The following EIF4G3 variants were observed in gnomAD, a reference collection of about 807,000 sequenced individuals.
The protein encoded by EIF4G3 is eIF-4-gamma 3.
EIF4G3 carries 34 observed loss-of-function variants against 186.4 expected under a neutral mutation model. The ratio of observed to expected loss-of-function variants is 0.18; its 90% confidence interval spans 0.14 to 0.24. The LOEUF (loss-of-function observed/expected upper bound fraction) is 0.24, where lower values mean the gene tolerates loss of function less well. Ranked by LOEUF, EIF4G3 falls within the 10% of genes least tolerant of loss-of-function variation. The pLI is 1.00. For synonymous variants in EIF4G3, 673 were observed against 679.5 expected (o/e 0.99, Z 0.15); for missense variants, 1,536 against 1,948.5 (o/e 0.79, Z 3.99).
rs2088063512 is a variant in EIF4G3 at position 20,896,411 on chromosome 1, G to T, written c.2000-910C>A. On this transcript the variant is annotated intron_variant, in intron 16 of 36. Transcript: ENST00000602326. ...TGATTGCACCACTGCACTCTAGCCT[G>T]GGTAACAGAGTGAGATTCTATCTCA... Among the ~76,000 whole-genome samples the T allele has an allele frequency of 7.4e-5, 11 of 148,060 alleles. No individual in the cohort carries two copies. In the South Asian group the frequency reaches 2.3e-3, roughly 32 times the overall value.
At chr1:20,917,683 T>C (rs2094037461) in intron 14 of EIF4G3, among the ~76,000 whole-genome samples, 1 of 152,152 alleles carries the variant, frequency 6.6e-6, no homozygotes, top group South Asian at 2.1e-4. Context: ...GGGTGATAAA[T>C]ACGATTATAG....
At chr1:21,088,081 G>A (rs538427228) in intron 3 of EIF4G3, among the ~76,000 whole-genome samples, 1 of 152,138 alleles carries the variant, frequency 6.6e-6, no homozygotes, top group South Asian at 2.1e-4. Context: ...GGGTGACAGA[G>A]TGAGACCCGA....
chr1:20,842,062 A>G (rs756603951), intron 29 of EIF4G3, among the ~76,000 whole-genome samples: 1 of 152,196 alleles, frequency 6.6e-6, no homozygotes, highest in Non-Finnish European at 1.5e-5. Context: ...AGAAAAATTA[A>G]AGAGTCATAC....
chr1:20,811,796 T>C (rs1308094969), intron 35 of EIF4G3, among the ~76,000 whole-genome samples: 1 of 152,152 alleles, frequency 6.6e-6, no homozygotes, highest in African/African-American at 2.4e-5. Context: ...ACAATTATAA[T>C]TTGTCAATCA....
chr1:21,053,862 C>A (rs900915125), intron 3 of EIF4G3, among the ~76,000 whole-genome samples: 5 of 148,934 alleles, frequency 3.4e-5, no homozygotes, highest in Non-Finnish European at 7.5e-5. Context: ...GTCAGCCCCC[C>A]GCCCGGCCAG....
chr1:21,166,750 A>T (rs2097861952), intron 2 of EIF4G3, among the ~76,000 whole-genome samples: 1 of 151,986 alleles, frequency 6.6e-6, no homozygotes, highest in African/African-American at 2.4e-5. Flanking sequence ...AATAAATAAA[A>T]TAAATAAATG....
intron 3 of EIF4G3, among the ~76,000 whole-genome samples, chr1:21,083,643 C>T (rs2095865392): frequency 6.6e-6 from 1 of 152,030 alleles, no homozygotes; most frequent in Non-Finnish European, 1.5e-5. Flanking sequence ...TAAAACTGAT[C>T]AAAGGACTAC....
At chr1:20,981,752 A>ATACGCACATACTG (rs2078314717) in intron 8 of EIF4G3, among the ~76,000 whole-genome samples, 1 of 147,470 alleles carries the variant, frequency 6.8e-6, no homozygotes, top group Non-Finnish European at 1.5e-5. Flanking sequence ...ACACATACAT[A>ATACGCACATACTG]TATGTATACA....
chr1:21,119,730 T>G (rs942287154), intron 2 of EIF4G3, among the ~76,000 whole-genome samples: 5 of 152,104 alleles, frequency 3.3e-5, no homozygotes, highest in African/African-American at 1.2e-4. Flanking sequence ...AGAAAAACAT[T>G]TATATAGTAC....
At chr1:21,105,210 G>T (rs1394615456) in intron 2 of EIF4G3, among the ~76,000 whole-genome samples, 1 of 152,202 alleles carries the variant, frequency 6.6e-6, no homozygotes, top group African/African-American at 2.4e-5. Context: ...ATCATCTGAG[G>T]TCAGGAGTTC....
intron 2 of EIF4G3, among the ~76,000 whole-genome samples, chr1:21,124,977 C>T (rs2097001005): frequency 6.6e-6 from 1 of 152,186 alleles, no homozygotes; most frequent in Non-Finnish European, 1.5e-5. Context: ...TGTTTCAACA[C>T]ATCCAGGTTT....
chr1:21,034,999 G>A (rs1293663894), intron 4 of EIF4G3, among the ~76,000 whole-genome samples: 4 of 152,102 alleles, frequency 2.6e-5, no homozygotes, highest in African/African-American at 7.2e-5. Flanking sequence ...GTCCAGGCCC[G>A]GTGAGGGCCT....
chr1:20,992,105 ATGC>A (rs1183866952), intron 7 of EIF4G3, among the ~76,000 whole-genome samples: 1 of 152,174 alleles, frequency 6.6e-6, no homozygotes, highest in African/African-American at 2.4e-5. Flanking sequence ...TTCATTATTT[ATGC>A]TGCTACTATA....
At chr1:20,882,419 A>G (rs2082670534) in intron 19 of EIF4G3, among the ~76,000 whole-genome samples, 1 of 152,126 alleles carries the variant, frequency 6.6e-6, no homozygotes, top group Admixed American at 6.5e-5. Flanking sequence ...CCGGAGTTCC[A>G]GAGTAGCCTG....
chr1:21,057,330 GAAT>G (rs2094604379), intron 3 of EIF4G3, among the ~76,000 whole-genome samples: 2 of 151,892 alleles, frequency 1.3e-5, no homozygotes, highest in African/African-American at 2.4e-5. Context: ...TACAGAAACA[GAAT>G]AAAAAACTAC....
At chr1:20,948,493 G>A (rs2096065196) in intron 13 of EIF4G3, among the ~76,000 whole-genome samples, 1 of 152,076 alleles carries the variant, frequency 6.6e-6, no homozygotes, top group Non-Finnish European at 1.5e-5. Flanking sequence ...GGACCTGTCT[G>A]TTCAAGAGTA....
At chr1:20,856,306 T>C (rs879747548) in intron 25 of EIF4G3, among the ~76,000 whole-genome samples, 1 of 152,240 alleles carries the variant, frequency 6.6e-6, no homozygotes, top group Non-Finnish European at 1.5e-5. Context: ...TTAATACTTC[T>C]TGTCAGTTAT....
intron 5 of EIF4G3, among the ~76,000 whole-genome samples, chr1:21,002,450 T>C (rs914261706): frequency 6.6e-6 from 1 of 152,120 alleles, no homozygotes; most frequent in African/African-American, 2.4e-5. Flanking sequence ...CAACCAGACT[T>C]AAAAATCATG....
intron 14 of EIF4G3, among the ~76,000 whole-genome samples, chr1:20,915,152 C>T (rs1442182232): frequency 6.6e-6 from 1 of 152,132 alleles, no homozygotes; most frequent in Non-Finnish European, 1.5e-5. Context: ...CATCATGGGT[C>T]ATATTGTTTT....
Sources: allele counts gnomAD v4.1 joint callset (sites outside exome capture counted in the v4.1 genomes callset), GRCh38; gene constraint gnomAD v4.1.1; transcripts MANE v1.5; gene names NCBI Gene and HGNC (gene_info 2026-07-23, HGNC 2026-07-21).